The following CACNB3 variants were observed in gnomAD, a reference collection of about 807,000 sequenced individuals.
CACNB3 encodes the protein calcium voltage-gated channel auxiliary subunit beta 3, also known as voltage-dependent L-type calcium channel subunit beta-3.
A neutral mutation model predicts 63.7 loss-of-function variants in CACNB3; 36 were observed. The observed-to-expected ratio is 0.57, with a 90% CI of 0.43 to 0.75. The LOEUF is 0.75. Ranked by LOEUF, CACNB3 falls within the 30% of genes least tolerant of loss-of-function variation. The probability of loss-of-function intolerance (pLI) is 0.00; values close to 1 mark genes in which losing one functional copy is unlikely to be tolerated. For synonymous variants in CACNB3, 241 were observed against 250.6 expected, an observed-to-expected ratio of 0.96 and a Z score of 0.36; for missense variants, 493 against 648.6, an observed-to-expected ratio of 0.76 and a Z score of 2.61.
rs151098960 is a variant in CACNB3, at chr12:48,827,625, C to G, written c.1181C>G (p.Pro394Arg). 34 of 1,613,518 alleles carry G rather than the reference C, an allele frequency of 2.1e-5. No individual in the cohort carries two copies. Among genetic ancestry groups the G allele is most frequent in the Non-Finnish European group, 1.9e-5 (23 of 1,179,970 alleles). Residue 394 changes from proline (P) to arginine (R), a missense_variant, in exon 13 of 13, where the codon CCC becomes CGC. By Grantham distance (103) the Pro-to-Arg change is moderately radical. Transcript: ENST00000301050. ...GGGGAGCGTGGCGAGGAGCACTCCC[C>G]CCTTGAGCGGGACAGCTTGATGCCC... Reference protein sequence around the residue: ...LLGERGEEHSPLERDSLMPSD... With the variant: ...LLGERGEEHSRLERDSLMPSD...
In CACNB3 at chr12:48,826,752, C is replaced by T. The variant is rs754358947; in HGVS notation, c.895-7C>T. 4.5e-5 allele frequency: 73 copies of T among 1,611,966 alleles called. No homozygotes were observed. The highest frequency in any genetic ancestry group is 5.4e-5 in the Non-Finnish European group (64 of 1,178,184). ...ACTCCAGGCCTAGCTCTGCCCTCCC[C>T]GCTCAGGTACTCCAGCGTCTCATTC... is the stretch of plus-strand genomic sequence containing the variant. On this transcript the variant is annotated splice_polypyrimidine_tract_variant and splice_region_variant and intron_variant, in intron 10 of 12. Coordinates refer to ENST00000301050, the MANE Select transcript of CACNB3 (RefSeq NM_000725.4). This position sits in a 1 kb window ranked among gnomAD's most constrained non-coding sequence, Gnocchi z 4.8.
At chr12:48,815,387 GA>G, upstream of CACNB3, 1 of 498,182 alleles carries the variant, frequency 2.0e-6, no homozygotes, top group East Asian at 3.9e-5. Flanking sequence ...GAGGCACACG[GA>G]AAAACAGAAC....
At chr12:48,822,630 G>A (rs964707989) in intron 1 of CACNB3, among the ~76,000 whole-genome samples, 9 of 152,192 alleles carry the variant, frequency 5.9e-5, no homozygotes, top group East Asian at 5.8e-4. Context: ...CTTGGTCTGT[G>A]TCTTGTTTGC....
intron 1 of CACNB3, chr12:48,819,857 G>C (rs1287541754): frequency 3.0e-6 from 1 of 331,332 alleles, no homozygotes; most frequent in East Asian, 8.3e-5. Context: ...AGCTCAGACA[G>C]CAGGGAGAGT....
upstream of CACNB3, among the ~76,000 whole-genome samples, chr12:48,816,323 C>G (rs1942287059): frequency 6.6e-6 from 1 of 152,208 alleles, no homozygotes; most frequent in African/African-American, 2.4e-5. Context: ...TACCTGCCAG[C>G]TGCCAGTCTA....
chr12:48,816,465 T>A (rs1353133371), upstream of CACNB3, among the ~76,000 whole-genome samples: 1 of 152,242 alleles, frequency 6.6e-6, no homozygotes, highest in Non-Finnish European at 1.5e-5. Flanking sequence ...GACAGGCACA[T>A]GTCCTGTCAC....
rs751873915 is a variant in CACNB3 at position 48,826,385 on chromosome 12, T to G, written c.761T>G (p.Ile254Ser). 4 of 1,613,978 alleles carry G rather than the reference T, an allele frequency of 2.5e-6. No homozygotes were observed. ...TCCATAGCGGAAGTGCAGAGTGAGA[T>G]CGAGCGCATATTTGAGCTGGCCAAA... ...RSSIAEVQSE[I>S]ERIFELAKSL... Residue 254 changes from isoleucine (I) to serine (S), a missense_variant, in exon 10 of 13, where the codon ATC becomes AGC. Transcript: ENST00000301050. This position sits in a 1 kb window ranked among gnomAD's most constrained non-coding sequence, Gnocchi z 4.8.
At chr12:48,820,819 A>C (rs942639779) in intron 1 of CACNB3, 19 of 152,304 alleles carry the variant, frequency 1.2e-4, no homozygotes, top group African/African-American at 4.6e-4. Context: ...CAACTCATTA[A>C]ATATTTAGGA....
At chr12:48,818,397 C>CGGCGGAGTAGTTCCTGGGT, upstream of CACNB3, 1 of 964,050 alleles carries the variant, frequency 1.0e-6, no homozygotes, top group Non-Finnish European at 1.2e-6. This position sits in a 1 kb window ranked among gnomAD's most constrained non-coding sequence, Gnocchi z 4.3. Context: ...CTTTGTTTCC[C>CGGCGGAGTAGTTCCTGGGT]GGCGGAGTAG....
chr12:48,815,595 A>T, upstream of CACNB3: 3 of 1,499,154 alleles, frequency 2.0e-6, no homozygotes, highest in Non-Finnish European at 1.8e-6. Context: ...CCAGGCGTGC[A>T]GGCGGGAGCA....
At chr12:48,815,905 G>A (rs1460376747), upstream of CACNB3, among the ~76,000 whole-genome samples, 1 of 152,154 alleles carries the variant, frequency 6.6e-6, no homozygotes. Context: ...AGAGAGGAGG[G>A]AGCGGCCAGA....
rs762609911 is a variant in CACNB3 at position 48,828,409 on chromosome 12, GC to G, written c.*517del. The G allele has an allele frequency of 1.5e-5, 5 of 329,398 alleles. No homozygotes were observed. Among genetic ancestry groups the G allele is most frequent in the Admixed American group, 3.9e-5 (1 of 25,564 alleles). The allele number at this position is 329,398 out of a possible 1,614,324, so 20.4% of individuals were successfully genotyped here. A position where few individuals can be genotyped will look rare whatever the true frequency, so the allele number is the denominator to read the frequency against. ...ATACATTAGAAATGAGACAATCAAA[GC>G]CCCCCCAGGGTGGCACACCCATCTG... is the stretch of plus-strand genomic sequence containing the variant. On this transcript the variant is annotated 3_prime_UTR_variant, in exon 13 of 13. Transcript: ENST00000301050.
In CACNB3 at chr12:48,827,074, C is replaced by T; in HGVS notation, c.1091C>T (p.Ala364Val). Residue 364 changes from alanine (A) to valine (V), a missense_variant, in exon 12 of 13, where the codon GCC becomes GTC. Coordinates refer to ENST00000301050, the MANE Select transcript of CACNB3 (RefSeq NM_000725.4). The stretch of plus-strand genomic sequence containing the variant: ...TACTGGCGGGCCACGCACCACCCAG[C>T]CCCTGGCCCCGGACTTCTGGGTCCT... ...EVYWRATHHP[A>V]PGPGLLGPPS... is the part of the protein sequence containing the mutation. 1 of 1,613,370 alleles carries T rather than the reference C, an allele frequency of 6.2e-7. No individual in the cohort carries two copies. Among genetic ancestry groups the T allele is most frequent in the Non-Finnish European group, 8.5e-7 (1 of 1,180,022 alleles).
In CACNB3 at chr12:48,827,512, A is replaced by G. The variant is rs921762839; in HGVS notation, c.1141-73A>G. The G allele has an allele frequency of 1.8e-5, 24 of 1,340,634 alleles. No homozygotes were observed. In the African/African-American group the frequency reaches 1.9e-4, roughly 10 times the overall value. The allele number at this position is 1,340,634 out of a possible 1,614,324, so 83.0% of individuals were successfully genotyped here. Reference sequence around the variant, plus strand: ...CGGGGAATTGAGAGTTGAGGGGGGAAGAATCTCGCACCTCACCAGAAGACA... The same window carrying G: ...CGGGGAATTGAGAGTTGAGGGGGGAGGAATCTCGCACCTCACCAGAAGACA... On this transcript the variant is annotated intron_variant, in intron 12 of 12. Transcript: ENST00000301050.
intron 1 of CACNB3, 37 bp downstream of exon 1, chr12:48,819,011 G>A (rs1302977317): frequency 1.3e-6 from 2 of 1,590,702 alleles, no homozygotes; most frequent in Admixed American, 3.5e-5. Context: ...CGGGGAAGTT[G>A]GGGTGACACC....
Position 48,825,308 on chromosome 12 carries a change from G to A in CACNB3, c.573+65G>A. The A allele has an allele frequency of 2.5e-6, 4 of 1,578,376 alleles. No homozygotes were observed. Among genetic ancestry groups the A allele is most frequent in the Non-Finnish European group, 3.5e-6 (4 of 1,148,762 alleles). On this transcript the variant is annotated intron_variant, in intron 7 of 12. Coordinates refer to ENST00000301050, the MANE Select transcript of CACNB3 (RefSeq NM_000725.4). The surrounding 1 kb of genome is among the most constrained non-coding windows in gnomAD (Gnocchi z 4.5). ...AAGCCTGCCACAGGAAGTCCCTAGG[G>A]AAAGTGGAAGGGGTGTGTCTCCTCC...
At chr12:48,820,475 GCC>G (rs1937795249) in intron 1 of CACNB3, 1 of 152,226 alleles carries the variant, frequency 6.6e-6, no homozygotes, top group African/African-American at 2.4e-5. Context: ...TCTCCCTGAG[GCC>G]CCCTCTGAAG....
In CACNB3 at chr12:48,823,967, G is replaced by A; in HGVS notation, c.291+164G>A. 2.2e-6 allele frequency: 2 copies of A among 912,070 alleles called. No homozygotes were observed. Among genetic ancestry groups the A allele is most frequent in the South Asian group, 1.7e-5 (1 of 57,608 alleles). 56.5% of individuals were successfully genotyped at this position (912,070 alleles called of 1,614,324 possible). On this transcript the variant is annotated intron_variant, in intron 3 of 12. Coordinates refer to ENST00000301050, the MANE Select transcript of CACNB3 (RefSeq NM_000725.4). The surrounding 1 kb of genome is among the most constrained non-coding windows in gnomAD (Gnocchi z 4.2). ...CCTCATATCTAAGATCTCATCCCCA[G>A]GGTCTCCATCCTTCTGAGACCTGGC...
rs1216366134 is a variant in CACNB3 at position 48,826,413 on chromosome 12, C to T, written c.789C>T (p.Ser263=). 6.2e-7 allele frequency: 1 copy of T among 1,614,156 alleles called. No individual in the cohort carries two copies. The highest frequency in any genetic ancestry group is 8.5e-7 in the Non-Finnish European group (1 of 1,180,010). ...AGCGCATATTTGAGCTGGCCAAATC[C>T]CTGCAGCTAGTAGTGTTGGACGCTG... is the stretch of plus-strand genomic sequence containing the variant. The part of the protein sequence containing the change: ...EIERIFELAK[S]LQLVVLDADT... The change falls in exon 10 of 13, where the codon TCC becomes TCT. Residue 263 remains serine (S), a synonymous_variant. Transcript: ENST00000301050. This position sits in a 1 kb window ranked among gnomAD's most constrained non-coding sequence, Gnocchi z 4.8.
Sources: gnomAD v4.1 joint callset for allele counts (sites outside exome capture counted in the v4.1 genomes callset) on GRCh38, gnomAD v4.1.1 for gene constraint, Gnocchi (gnomAD v3.1) non-coding constraint, MANE v1.5 for transcripts, NCBI Gene and HGNC (gene_info 2026-07-23, HGNC 2026-07-21) for gene names.